The following CFAP299 variants were observed in gnomAD, a reference collection of about 807,000 sequenced individuals.
CFAP299 encodes cilia and flagella associated protein 299.
A neutral mutation model predicts 27.0 loss-of-function variants in CFAP299; 21 were observed. The ratio of observed to expected loss-of-function variants is 0.78; its 90% CI spans 0.55 to 1.12. CFAP299 has a LOEUF of 1.12. Among genes scored for constraint, CFAP299 ranks in the 50% most tolerant of loss-of-function variants. The pLI is 0.00. For synonymous variants in CFAP299, 104 were observed against 98.1 expected (o/e 1.06, Z -0.36); for missense variants, 310 against 276.6 (o/e 1.12, Z -0.86).
At chr4:80,445,643 G>A (rs1728582496) in intron 2 of CFAP299, among the ~76,000 whole-genome samples, 1 of 151,888 alleles carries the variant, frequency 6.6e-6, no homozygotes, top group Admixed American at 6.6e-5. Flanking sequence ...TGCACATTCT[G>A]CACATGTATC....
intron 3 of CFAP299, among the ~76,000 whole-genome samples, chr4:80,759,486 A>G (rs139743123): frequency 1.2e-3 from 182 of 152,304 alleles, no homozygotes; most frequent in African/African-American, 4.3e-3. Flanking sequence ...CTTAAAAACC[A>G]TGAAAGAAAA....
At chr4:80,649,318 A>T (rs1740176673) in intron 3 of CFAP299, 1 of 152,040 alleles carries the variant, frequency 6.6e-6, no homozygotes, top group Admixed American at 6.6e-5. Context: ...GTTATGGGAG[A>T]CCCTGTAAAA....
chr4:80,546,292 A>C (rs970955401), intron 2 of CFAP299, among the ~76,000 whole-genome samples: 4 of 152,124 alleles, frequency 2.6e-5, no homozygotes, highest in Admixed American at 2.6e-4. Flanking sequence ...AGGGTACAAA[A>C]TCAGTGTACA....
At chr4:80,384,643 G>T (rs1724876257) in intron 2 of CFAP299, among the ~76,000 whole-genome samples, 1 of 152,126 alleles carries the variant, frequency 6.6e-6, no homozygotes, top group African/African-American at 2.4e-5. Context: ...TTTCATGCAT[G>T]ACTTAGAGGT....
At chr4:80,900,347 A>G (rs10032905) in intron 4 of CFAP299, among the ~76,000 whole-genome samples, 17,394 of 152,114 alleles carry the variant, frequency 0.11, 2,162 homozygotes, top group African/African-American at 0.31. Flanking sequence ...TTGTAACTAT[A>G]CAAAGAATAC....
chr4:80,693,733 C>A (rs992112682), intron 3 of CFAP299, among the ~76,000 whole-genome samples: 14 of 150,674 alleles, frequency 9.3e-5, no homozygotes, highest in Non-Finnish European at 1.8e-4. Context: ...CATTCTAAAG[C>A]AGTACTGAGT....
intron 2 of CFAP299, among the ~76,000 whole-genome samples, chr4:80,378,451 T>A (rs1724534829): frequency 6.6e-6 from 1 of 151,952 alleles, no homozygotes; most frequent in Admixed American, 6.6e-5. Context: ...TCCAAGATAA[T>A]GTGTAATAGA....
Position 80,725,722 on chromosome 4 carries a change from T to C in CFAP299, c.333+142539T>C, listed in dbSNP as rs138266453. ...AGTAGAAAAAGGTGCTGGGGTCTTC[T>C]AATTCAGACCTTCCGTATTGTAGGT... is the stretch of plus-strand genomic sequence containing the variant. On this transcript the variant is annotated intron_variant, in intron 3 of 5. Coordinates refer to ENST00000358105, the MANE Select transcript of CFAP299 (RefSeq NM_152770.3). 4.7e-3 allele frequency among the ~76,000 whole-genome samples: 723 copies of C among 152,334 alleles called. 3 individuals carry two copies. Among genetic ancestry groups the C allele is most frequent in the Non-Finnish European group, 7.4e-3 (501 of 68,026 alleles).
At position 80,651,563 on chromosome 4, in the gene CFAP299, C is replaced by T. The variant is rs139232419; in HGVS notation, c.333+68380C>T. Among the ~76,000 whole-genome samples the T allele has an allele frequency of 5.1e-3, 770 of 152,026 alleles. 5 individuals are homozygous for T. Among genetic ancestry groups the T allele is most frequent in the Middle Eastern group, 0.02 (6 of 294 alleles). ...TGAATTTTGTAGAGATAGGGTCTCT[C>T]TCTGTTGCCCAGGCTGGTCTTGAAT... On this transcript the variant is annotated intron_variant, in intron 3 of 5. Transcript: ENST00000358105.
chr4:80,958,998 T>C (rs959829414), intron 5 of CFAP299, among the ~76,000 whole-genome samples: 2 of 152,172 alleles, frequency 1.3e-5, no homozygotes, highest in African/African-American at 4.8e-5. Flanking sequence ...TGTGGACTTA[T>C]TACTAATAAT....
intron 3 of CFAP299, among the ~76,000 whole-genome samples, chr4:80,654,861 T>C (rs1382227799): frequency 1.3e-5 from 2 of 150,980 alleles, no homozygotes; most frequent in Non-Finnish European, 3.0e-5. Flanking sequence ...AGCAATCCTC[T>C]TGCCTTGGCC....
At chr4:80,543,201 G>C (rs1734083926) in intron 2 of CFAP299, among the ~76,000 whole-genome samples, 1 of 152,124 alleles carries the variant, frequency 6.6e-6, no homozygotes, top group Non-Finnish European at 1.5e-5. Context: ...AAAAACAAAA[G>C]CCCTATCCAA....
chr4:80,844,696 C>T (rs1731070510), intron 3 of CFAP299, among the ~76,000 whole-genome samples: 1 of 152,066 alleles, frequency 6.6e-6, no homozygotes, highest in African/African-American at 2.4e-5. Flanking sequence ...TTCTCCCATT[C>T]TGTATGTTGC....
At chr4:80,674,954 C>A (rs546274966) in intron 3 of CFAP299, among the ~76,000 whole-genome samples, 3 of 152,228 alleles carry the variant, frequency 2.0e-5, no homozygotes, top group East Asian at 3.9e-4. Context: ...AGCTTCCTTG[C>A]AATGTGTTTG....
intron 3 of CFAP299, among the ~76,000 whole-genome samples, chr4:80,587,859 A>T (rs752910825): frequency 6.6e-6 from 1 of 151,634 alleles, no homozygotes; most frequent in African/African-American, 2.4e-5. Context: ...CCCAAAGTGC[A>T]GGCTACTGCA....
intron 3 of CFAP299, among the ~76,000 whole-genome samples, chr4:80,628,815 A>C (rs1739051044): frequency 1.3e-5 from 2 of 152,174 alleles, no homozygotes; most frequent in African/African-American, 4.8e-5. Context: ...CTTCAAGATA[A>C]AAGATAAGTG....
intron 3 of CFAP299, among the ~76,000 whole-genome samples, chr4:80,642,501 C>A (rs1280505158): frequency 6.6e-6 from 1 of 152,210 alleles, no homozygotes; most frequent in African/African-American, 2.4e-5. Flanking sequence ...CGTGGTGGCT[C>A]ACGCCCATAA....
At chr4:80,843,123 C>A (rs943832756) in intron 3 of CFAP299, among the ~76,000 whole-genome samples, 4 of 151,716 alleles carry the variant, frequency 2.6e-5, no homozygotes, top group Non-Finnish European at 5.9e-5. Flanking sequence ...GGTACATGTG[C>A]ACAACGTGCA....
chr4:80,462,854 A>G (rs776668366), intron 2 of CFAP299, among the ~76,000 whole-genome samples: 3 of 152,176 alleles, frequency 2.0e-5, no homozygotes, highest in Admixed American at 6.6e-5. Context: ...CAAAGTCCTA[A>G]TAACAGCATA....
Sources: gnomAD v4.1 joint callset for allele counts (sites outside exome capture counted in the v4.1 genomes callset) on GRCh38, gnomAD v4.1.1 for gene constraint, MANE v1.5 for transcripts, NCBI Gene and HGNC (gene_info 2026-07-23, HGNC 2026-07-21) for gene names.